EYA3: variants seen among roughly 807,000 people sequenced by gnomAD.
EYA3 encodes EYA transcriptional coactivator and phosphatase 3.
EYA3 carries 39 observed loss-of-function variants against 80.0 expected under a neutral mutation model. The ratio of observed to expected loss-of-function variants is 0.49; its 90% confidence interval spans 0.38 to 0.64. The LOEUF (loss-of-function observed/expected upper bound fraction) is 0.64, where lower values mean the gene tolerates loss of function less well. Among genes scored for constraint, EYA3 ranks in the 30% least tolerant of loss-of-function variants. The pLI is 0.00. For missense variants in EYA3, 523 were observed against 676.1 expected, an observed-to-expected ratio of 0.77 and a Z score of 2.51; for synonymous variants, 206 against 232.8, an observed-to-expected ratio of 0.88 and a Z score of 1.05.
intron 13 of EYA3, among the ~76,000 whole-genome samples, chr1:27,994,898 G>A (rs1395576775): frequency 6.6e-6 from 1 of 151,596 alleles, no homozygotes; most frequent in Non-Finnish European, 1.5e-5. Flanking sequence ...GAGCCCAGGA[G>A]GCTATTGGGA....
intron 2 of EYA3, among the ~76,000 whole-genome samples, chr1:28,048,658 A>C (rs1193683202): frequency 6.6e-6 from 1 of 152,214 alleles, no homozygotes; most frequent in Admixed American, 6.5e-5. Context: ...ACTGTTTACC[A>C]GAATTTTTAC....
intron 9 of EYA3, 81 bp from the exon 10 acceptor site, chr1:28,011,167 C>T: frequency 6.8e-7 from 1 of 1,464,716 alleles, no homozygotes; most frequent in Non-Finnish European, 9.2e-7. Context: ...AGTGGACTCT[C>T]TGCCCTTGTG....
chr1:28,019,833 T>A (rs955045800), intron 7 of EYA3, among the ~76,000 whole-genome samples: 1 of 152,072 alleles, frequency 6.6e-6, no homozygotes, highest in African/African-American at 2.4e-5. Context: ...CCCAGGTAGC[T>A]GAGATTACAG....
intron 3 of EYA3, among the ~76,000 whole-genome samples, chr1:28,043,986 AG>A (rs1643910634): frequency 6.6e-6 from 1 of 152,232 alleles, no homozygotes; most frequent in South Asian, 2.1e-4. Context: ...TTTGTTATAT[AG>A]CCAGGACTAA....
intron 16 of EYA3, among the ~76,000 whole-genome samples, chr1:27,980,685 T>G (rs188108950): frequency 7.6e-4 from 116 of 152,354 alleles, no homozygotes; most frequent in African/African-American, 2.7e-3. Flanking sequence ...CAATTGAAGC[T>G]GGTGAACTGT....
At chr1:27,978,677 A>C (rs926893057) in intron 16 of EYA3, among the ~76,000 whole-genome samples, 2 of 152,180 alleles carry the variant, frequency 1.3e-5, no homozygotes, top group African/African-American at 4.8e-5. Context: ...CCATTAAAAT[A>C]ACTTGGCCGG....
At chr1:28,004,991 T>G (rs929515245) in intron 10 of EYA3, among the ~76,000 whole-genome samples, 4 of 152,040 alleles carry the variant, frequency 2.6e-5, no homozygotes, top group African/African-American at 9.7e-5. Flanking sequence ...AAATCAGAAA[T>G]GAAAGTGGGG....
At chr1:27,991,942 T>C (rs1052448859) in intron 14 of EYA3, among the ~76,000 whole-genome samples, 1 of 151,882 alleles carries the variant, frequency 6.6e-6, no homozygotes, top group African/African-American at 2.4e-5. Context: ...AGAAAGAAAA[T>C]GCAAAAAGAT....
intron 14 of EYA3, among the ~76,000 whole-genome samples, chr1:27,991,600 G>A (rs546199877): frequency 1.2e-4 from 18 of 152,216 alleles, no homozygotes; most frequent in African/African-American, 3.6e-4. Context: ...AGGAGAACTG[G>A]AGTATAATTT....
intron 6 of EYA3, among the ~76,000 whole-genome samples, chr1:28,031,029 C>T (rs1643108985): frequency 6.6e-6 from 1 of 152,030 alleles, no homozygotes; most frequent in Admixed American, 6.6e-5. Context: ...GAAAATAATA[C>T]CTTATTAATA....
At chr1:28,066,085 G>A (rs928140244) in intron 1 of EYA3, among the ~76,000 whole-genome samples, 4 of 151,992 alleles carry the variant, frequency 2.6e-5, no homozygotes, top group Admixed American at 6.6e-5. Flanking sequence ...TAACCAAGAC[G>A]GCTCCTAAGT....
intron 6 of EYA3, among the ~76,000 whole-genome samples, chr1:28,029,582 A>C (rs753369527): frequency 3.6e-4 from 55 of 151,492 alleles, no homozygotes; most frequent in Admixed American, 6.6e-4. Flanking sequence ...CCTACTTTTA[A>C]AAAGAAAATC....
chr1:27,981,763 CA>C (rs373795075), intron 16 of EYA3, among the ~76,000 whole-genome samples: 210 of 95,952 alleles, frequency 2.2e-3, no homozygotes, highest in Admixed American at 2.8e-3. Context: ...GACCCTGTCT[CA>C]AAAAAAAAAA....
intron 1 of EYA3, among the ~76,000 whole-genome samples, chr1:28,063,277 C>T (rs1338318442): frequency 1.4e-5 from 2 of 146,192 alleles, no homozygotes; most frequent in Non-Finnish European, 3.0e-5. Context: ...ATTTACTACA[C>T]TTTCCAAAGT....
intron 7 of EYA3, among the ~76,000 whole-genome samples, chr1:28,022,902 A>G (rs1340179128): frequency 6.6e-6 from 1 of 152,110 alleles, no homozygotes; most frequent in Non-Finnish European, 1.5e-5. Context: ...TTTTTTGTAG[A>G]GATGGGGTTT....
chr1:27,976,710 T>G (rs79211262), intron 17 of EYA3, among the ~76,000 whole-genome samples: 8,858 of 152,156 alleles, frequency 0.058, 318 homozygotes, highest in Middle Eastern at 0.11. Flanking sequence ...ATTTTCCAAT[T>G]GGTATATACT....
chr1:28,077,407 A>G (rs756470605), intron 1 of EYA3, among the ~76,000 whole-genome samples: 8 of 152,166 alleles, frequency 5.3e-5, no homozygotes, highest in Non-Finnish European at 8.8e-5. Flanking sequence ...TGCTTCCCCA[A>G]CAAGTTCCTA....
chr1:28,069,977 G>A (rs1307795422), intron 1 of EYA3, among the ~76,000 whole-genome samples: 2 of 152,176 alleles, frequency 1.3e-5, no homozygotes, highest in Non-Finnish European at 2.9e-5. Context: ...GAAGCTGGGA[G>A]AGGCAAGGGA....
rs1640530485 is a variant in EYA3, at chr1:27,997,337, G to A, written c.1125C>T (p.Asp375=). 5 of 1,614,118 alleles carry A rather than the reference G, an allele frequency of 3.1e-6. No homozygotes were observed. Among genetic ancestry groups the A allele is most frequent in the Non-Finnish European group, 3.4e-6 (4 of 1,179,982 alleles). ...QVHVEDVASD[D]NGQDLSNYSF... ...TTTATCACCTCAAGTCTTGGCCATT[G>A]TCATCAGAAGCCACATCTTCCACAT... Residue 375 remains aspartate (D), a synonymous_variant, in exon 13 of 18, where the codon GAC becomes GAT. Coordinates refer to ENST00000373871, the MANE Select transcript of EYA3 (RefSeq NM_001990.4).
Sources: allele counts gnomAD v4.1 joint callset (sites outside exome capture counted in the v4.1 genomes callset), GRCh38; gene constraint gnomAD v4.1.1; transcripts MANE v1.5; gene names NCBI Gene and HGNC (gene_info 2026-07-23, HGNC 2026-07-21).